MTHFD2L: variants seen among roughly 807,000 people sequenced by gnomAD.
MTHFD2L encodes the protein methylenetetrahydrofolate dehydrogenase (NADP+ dependent) 2 like.
A neutral mutation model predicts 34.9 loss-of-function variants in MTHFD2L; 29 were observed. That is an observed-to-expected ratio of 0.83 (90% confidence interval 0.62 to 1.13). The LOEUF is 1.13. Ranked by LOEUF, MTHFD2L falls within the 50% of genes most tolerant of loss-of-function variation. The pLI is 0.00. For synonymous variants in MTHFD2L, 167 were observed against 155.7 expected (o/e 1.07, Z -0.54); for missense variants, 481 against 446.5 (o/e 1.08, Z -0.70).
intron 5 of MTHFD2L, among the ~76,000 whole-genome samples, chr4:74,217,828 T>G (rs570769005): frequency 1.3e-5 from 2 of 149,210 alleles, no homozygotes; most frequent in South Asian, 2.1e-4. Flanking sequence ...TCTCCTCATA[T>G]TTTTTTGGAA....
chr4:74,302,272 G>T lies in MTHFD2L; in HGVS notation c.*463G>T, dbSNP rs1358421249. On this transcript the variant is annotated 3_prime_UTR_variant, in exon 8 of 8. Coordinates refer to ENST00000325278, the MANE Select transcript of MTHFD2L (RefSeq NM_001144978.3). ...TTAAAAAAGAGCTTGCTTACTACAA[G>T]AAAAATATTGAAATATTGAAAATAT... is the stretch of plus-strand genomic sequence containing the variant. 6.6e-6 allele frequency: 1 copy of T among 151,908 alleles called. No homozygotes were observed. The highest frequency in any genetic ancestry group is 2.4e-5 in the African/African-American group (1 of 41,368). 9.4% of individuals were successfully genotyped at this position (151,908 alleles called of 1,614,324 possible).
At chr4:74,229,880 A>G (rs772769323) in intron 6 of MTHFD2L, among the ~76,000 whole-genome samples, 3 of 152,192 alleles carry the variant, frequency 2.0e-5, no homozygotes, top group Non-Finnish European at 4.4e-5. Context: ...TTAATGTACC[A>G]TGGTTATAGC....
chr4:74,218,485 G>T (rs956017496), intron 5 of MTHFD2L, among the ~76,000 whole-genome samples: 3 of 152,048 alleles, frequency 2.0e-5, no homozygotes. Flanking sequence ...CAAGGGCGCG[G>T]CCAAGACACA....
At chr4:74,230,591 G>GA (rs11324931) in intron 6 of MTHFD2L, among the ~76,000 whole-genome samples, 22 of 128,972 alleles carry the variant, frequency 1.7e-4, no homozygotes, top group East Asian at 6.7e-4. Context: ...CTCTGTCTCA[G>GA]AAAAAAAAAA....
chr4:74,211,278 G>A (rs1218414842), intron 5 of MTHFD2L, among the ~76,000 whole-genome samples: 1 of 152,140 alleles, frequency 6.6e-6, no homozygotes, highest in African/African-American at 2.4e-5. Context: ...CAAAGGGAAG[G>A]TTTCCAGCTT....
At chr4:74,119,810 A>T (rs1721721350), upstream of MTHFD2L, among the ~76,000 whole-genome samples, 1 of 152,030 alleles carries the variant, frequency 6.6e-6, no homozygotes, top group African/African-American at 2.4e-5. Context: ...ACAAAATACC[A>T]TGAGTCCTAC....
At chr4:74,138,235 G>A (rs1578241644) in intron 1 of MTHFD2L, among the ~76,000 whole-genome samples, 1 of 151,968 alleles carries the variant, frequency 6.6e-6, no homozygotes, top group South Asian at 2.1e-4. Flanking sequence ...ATTTCTTTTC[G>A]ATGTACATCT....
At chr4:74,295,125 A>G (rs1749470477) in intron 7 of MTHFD2L, among the ~76,000 whole-genome samples, 1 of 152,100 alleles carries the variant, frequency 6.6e-6, no homozygotes, top group African/African-American at 2.4e-5. Context: ...CCCTGAACAC[A>G]GTAACTACAG....
At chr4:74,275,797 T>G (rs765765909) in intron 6 of MTHFD2L, among the ~76,000 whole-genome samples, 3 of 152,110 alleles carry the variant, frequency 2.0e-5, no homozygotes, top group Non-Finnish European at 4.4e-5. Context: ...ATGGGGTTGT[T>G]TGTTCTTTTC....
upstream of MTHFD2L, chr4:74,157,708 T>C (rs1345392323): frequency 2.2e-6 from 1 of 459,626 alleles, no homozygotes; most frequent in Admixed American, 2.3e-5. Flanking sequence ...CTATTACTTC[T>C]TTCCTGCTTT....
At chr4:74,129,230 T>C (rs998720689) in intron 1 of MTHFD2L, among the ~76,000 whole-genome samples, 4 of 152,156 alleles carry the variant, frequency 2.6e-5, no homozygotes, top group Admixed American at 2.6e-4. Flanking sequence ...AACTCAGCTC[T>C]GGCTCAAGCA....
intron 5 of MTHFD2L, among the ~76,000 whole-genome samples, chr4:74,206,183 T>G (rs1459266028): frequency 2.0e-5 from 3 of 151,548 alleles, no homozygotes; most frequent in Non-Finnish European, 2.9e-5. Context: ...AAGTAACTCC[T>G]TTGATTTGGG....
At chr4:74,286,586 G>A (rs1172355381) in intron 7 of MTHFD2L, among the ~76,000 whole-genome samples, 1 of 152,112 alleles carries the variant, frequency 6.6e-6, no homozygotes, top group Non-Finnish European at 1.5e-5. Flanking sequence ...TCATCAAATG[G>A]ATTTGATCAG....
At chr4:74,242,747 A>G (rs1237072052) in intron 6 of MTHFD2L, among the ~76,000 whole-genome samples, 5 of 152,152 alleles carry the variant, frequency 3.3e-5, no homozygotes, top group African/African-American at 1.2e-4. Flanking sequence ...AACATATTTG[A>G]AAGAGTGGGC....
upstream of MTHFD2L, among the ~76,000 whole-genome samples, chr4:74,153,896 C>T (rs979379767): frequency 1.3e-5 from 2 of 152,062 alleles, no homozygotes; most frequent in South Asian, 2.1e-4. Flanking sequence ...TATATTGATA[C>T]ATTACTATTA....
At chr4:74,189,455 G>A (rs1732040814) in intron 3 of MTHFD2L, among the ~76,000 whole-genome samples, 1 of 146,398 alleles carries the variant, frequency 6.8e-6, no homozygotes, top group Non-Finnish European at 1.5e-5. Flanking sequence ...ACCACATGAT[G>A]GCAGCATTGA....
At chr4:74,183,087 T>A (rs556576057) in intron 3 of MTHFD2L, 2 of 151,776 alleles carry the variant, frequency 1.3e-5, no homozygotes, top group South Asian at 2.1e-4. Flanking sequence ...AAACCACTGA[T>A]AGAAAAAAAT....
intron 6 of MTHFD2L, among the ~76,000 whole-genome samples, chr4:74,277,144 G>A (rs1321954781): frequency 7.5e-6 from 1 of 133,464 alleles, no homozygotes; most frequent in East Asian, 2.1e-4. Context: ...ACACAAATCA[G>A]CCAAAGCAGA....
At chr4:74,292,515 A>G (rs2045617) in intron 7 of MTHFD2L, among the ~76,000 whole-genome samples, 47,478 of 151,780 alleles carry the variant, frequency 0.31, 8,962 homozygotes, top group African/African-American at 0.54. Context: ...AGAAAGCTTT[A>G]TCTAGTTTAC....
Sources: allele counts gnomAD v4.1 joint callset (sites outside exome capture counted in the v4.1 genomes callset), GRCh38; gene constraint gnomAD v4.1.1; transcripts MANE v1.5; gene names NCBI Gene and HGNC (gene_info 2026-07-23, HGNC 2026-07-21).